ADRA1B: variants seen among roughly 807,000 people sequenced by gnomAD.
The protein encoded by ADRA1B is adrenoceptor alpha 1B, also known as alpha-1B adrenergic receptor.
Under a neutral mutation model 17.9 loss-of-function variants are expected in ADRA1B, and 17 were observed. The observed-to-expected ratio is 0.95, with a 90% CI of 0.65 to 1.42. The LOEUF is 1.42. ADRA1B is among the 40% of genes most tolerant of loss of function. The pLI is 0.00. For synonymous variants in ADRA1B, 366 were observed against 327.6 expected, an observed-to-expected ratio of 1.12 and a Z score of -1.27; for missense variants, 681 against 722.1, an observed-to-expected ratio of 0.94 and a Z score of 0.65.
At chr5:159,951,829 T>C (rs907814101) in intron 1 of ADRA1B, among the ~76,000 whole-genome samples, 4 of 152,192 alleles carry the variant, frequency 2.6e-5, no homozygotes, top group Non-Finnish European at 4.4e-5. Context: ...CTGCTTATAT[T>C]TTCCATCCTT....
chr5:159,986,232 C>T, the ADRA1B span, among the ~76,000 whole-genome samples: 3 of 152,308 alleles, frequency 2.0e-5, no homozygotes, highest in East Asian at 3.9e-4. Context: ...GTAGCTGGGA[C>T]TACAGGTGCA....
intron 1 of ADRA1B, among the ~76,000 whole-genome samples, chr5:159,938,188 T>C (rs983494998): frequency 6.6e-6 from 1 of 152,262 alleles, no homozygotes; most frequent in South Asian, 2.1e-4. Flanking sequence ...CATCCTCCTC[T>C]ACACACCAGC....
intron 1 of ADRA1B, among the ~76,000 whole-genome samples, chr5:159,962,298 G>C (rs754899329): frequency 2.0e-5 from 3 of 152,206 alleles, no homozygotes; most frequent in Non-Finnish European, 2.9e-5. Flanking sequence ...GAACTAACGA[G>C]GGGGCTGCTG....
At chr5:159,896,075 A>G (rs866432365) in intron 1 of ADRA1B, among the ~76,000 whole-genome samples, 5 of 152,378 alleles carry the variant, frequency 3.3e-5, no homozygotes, top group Non-Finnish European at 5.9e-5. Flanking sequence ...GTATCTACCC[A>G]GAAATCTGGT....
At chr5:159,952,468 A>G (rs1408135185) in intron 1 of ADRA1B, among the ~76,000 whole-genome samples, 1 of 152,190 alleles carries the variant, frequency 6.6e-6, no homozygotes, top group Non-Finnish European at 1.5e-5. Flanking sequence ...GAAACTGTGG[A>G]TATGGGGGAA....
intron 1 of ADRA1B, among the ~76,000 whole-genome samples, chr5:159,902,474 T>C (rs1349157126): frequency 6.6e-6 from 1 of 152,048 alleles, no homozygotes; most frequent in Admixed American, 6.6e-5. Context: ...ATAGATGTTA[T>C]GTATTTTTTA....
chr5:159,893,404 T>C (rs920848035), intron 1 of ADRA1B, among the ~76,000 whole-genome samples: 3 of 152,192 alleles, frequency 2.0e-5, no homozygotes, highest in African/African-American at 4.8e-5. Flanking sequence ...GAGCAATGCT[T>C]AATAGGGATG....
chr5:159,880,105 AG>A (rs1309313211), intron 1 of ADRA1B, among the ~76,000 whole-genome samples: 2 of 152,266 alleles, frequency 1.3e-5, no homozygotes, highest in African/African-American at 4.8e-5. Context: ...AAGGCTCCAT[AG>A]TAAATCATAT....
Position 159,972,472 on chromosome 5 carries a change from C to T in ADRA1B, c.1543C>T (p.Leu515=), listed in dbSNP as rs1013085700. 7.3e-7 allele frequency: 1 copy of T among 1,377,568 alleles called. No homozygotes were observed. Among genetic ancestry groups the T allele is most frequent in the Non-Finnish European group, 9.5e-7 (1 of 1,050,764 alleles). 85.3% of individuals were successfully genotyped at this position (1,377,568 alleles called of 1,614,324 possible). ...GQPGFKSNMP[L]APGQF ...GCCGGGCTTCAAAAGCAACATGCCC[C>T]TGGCGCCCGGGCAGTTTTAGGGCCC... Residue 515 remains leucine, a synonymous_variant, in exon 2 of 2, where the codon CTG becomes TTG. Transcript: ENST00000306675.
At chr5:159,914,635 T>C (rs747030025), upstream of ADRA1B, among the ~76,000 whole-genome samples, 10 of 152,188 alleles carry the variant, frequency 6.6e-5, no homozygotes, top group Admixed American at 2.0e-4. Flanking sequence ...GTCTGTGCAC[T>C]TTGCTGGGAG....
intron 1 of ADRA1B, among the ~76,000 whole-genome samples, chr5:159,944,351 C>T (rs1330076954): frequency 2.0e-5 from 3 of 152,118 alleles, no homozygotes; most frequent in East Asian, 3.9e-4. Context: ...CTGCAGGCTA[C>T]TCATTATTCT....
chr5:159,890,324 G>A (rs1225041587), intron 1 of ADRA1B, among the ~76,000 whole-genome samples: 2 of 152,198 alleles, frequency 1.3e-5, no homozygotes, highest in African/African-American at 2.4e-5. Context: ...TTTCCCAGGT[G>A]TAGGATACTT....
At chr5:159,945,370 A>T in intron 1 of ADRA1B, among the ~76,000 whole-genome samples, 1 of 152,178 alleles carries the variant, frequency 6.6e-6, no homozygotes, top group East Asian at 1.9e-4. Flanking sequence ...ATAAATAAAT[A>T]AAAATAAGGA....
At chr5:159,983,158 T>A in the ADRA1B span, among the ~76,000 whole-genome samples, 1 of 152,188 alleles carries the variant, frequency 6.6e-6, no homozygotes, top group Non-Finnish European at 1.5e-5. Flanking sequence ...AGGTTTCTCA[T>A]GAAGGGGTTC....
intron 1 of ADRA1B, among the ~76,000 whole-genome samples, chr5:159,873,870 C>T (rs1194621408): frequency 6.6e-6 from 1 of 152,096 alleles, no homozygotes; most frequent in Non-Finnish European, 1.5e-5. Flanking sequence ...GATGATGATC[C>T]ATTGCTTCAT....
intron 1 of ADRA1B, among the ~76,000 whole-genome samples, chr5:159,886,896 C>T (rs1026917443): frequency 6.6e-5 from 10 of 152,136 alleles, no homozygotes; most frequent in Admixed American, 4.6e-4. Flanking sequence ...CATATATATA[C>T]ATGGTTGTGG....
chr5:159,931,819 T>C (rs1268771898), intron 1 of ADRA1B, among the ~76,000 whole-genome samples: 1 of 152,226 alleles, frequency 6.6e-6, no homozygotes, highest in African/African-American at 2.4e-5. Context: ...CGAATGCCTC[T>C]TTTATAAGTA....
intron 1 of ADRA1B, among the ~76,000 whole-genome samples, chr5:159,939,252 GGAGAGAGA>G (rs67704328): frequency 1.0e-5 from 1 of 99,764 alleles, no homozygotes; most frequent in Non-Finnish European, 2.0e-5. Context: ...TTTCTTTGAA[GGAGAGAGA>G]GAGAGAGAGA....
intron 1 of ADRA1B, among the ~76,000 whole-genome samples, chr5:159,891,807 A>G (rs540023680): frequency 5.9e-5 from 9 of 152,288 alleles, no homozygotes; most frequent in African/African-American, 1.7e-4. Context: ...AGACTGCTCA[A>G]TCTAGGCCCT....
Sources: allele counts gnomAD v4.1 joint callset (sites outside exome capture counted in the v4.1 genomes callset), GRCh38; gene constraint gnomAD v4.1.1; transcripts MANE v1.5; gene names NCBI Gene and HGNC (gene_info 2026-07-23, HGNC 2026-07-21).